Variants in MROH7 observed in about 807,000 individuals in gnomAD.
MROH7 encodes the protein maestro heat-like repeat-containing protein family member 7.
MROH7 carries 113 observed loss-of-function variants against 129.2 expected under a neutral mutation model. The ratio of observed to expected loss-of-function variants is 0.87; its 90% confidence interval spans 0.75 to 1.02. The LOEUF (loss-of-function observed/expected upper bound fraction) is 1.02, where lower values mean the gene tolerates loss of function less well. MROH7 is among the 50% of genes least tolerant of loss of function. The pLI, the probability that MROH7 is intolerant of heterozygous loss-of-function variation, is 0.00. For missense variants in MROH7, 1,601 were observed against 1,671.3 expected (o/e 0.96, Z 0.73); for synonymous variants, 655 against 667.9 (o/e 0.98, Z 0.30).
At chr1:54,692,188 CAGAGGTAAA>C (rs1428102746) in intron 15 of MROH7, among the ~76,000 whole-genome samples, 1 of 152,216 alleles carries the variant, frequency 6.6e-6, no homozygotes, top group Non-Finnish European at 1.5e-5. Context: ...AGGCTGGTCC[CAGAGGTAAA>C]AGCACAGCCT....
chr1:54,655,893 AT>A (rs372850123), intron 3 of MROH7, among the ~76,000 whole-genome samples: 2,561 of 133,628 alleles, frequency 0.019, 68 homozygotes, highest in African/African-American at 0.061. Flanking sequence ...ACTTTATAGT[AT>A]TTTTTTTTTT....
At chr1:54,695,866 T>C in intron 17 of MROH7, 1 of 338,922 alleles carries the variant, frequency 3.0e-6, no homozygotes, top group South Asian at 2.3e-5. Context: ...GTGAGTGATT[T>C]GTACTATGAT....
In MROH7 at chr1:54,683,186, A is replaced by C. The variant is rs559020095; in HGVS notation, c.2520+392A>C. ...ACCTCTTCTCTATTTTTTTAAAAAA[A>C]TCCTACATTACCATTTTGTGGCCTA... On this transcript the variant is annotated intron_variant, in intron 14 of 23. Coordinates refer to ENST00000421030, the MANE Select transcript of MROH7 (RefSeq NM_001039464.4). 5.1e-4 allele frequency among the ~76,000 whole-genome samples: 78 copies of C among 152,352 alleles called. 1 individual carries two copies. Among genetic ancestry groups the C allele is most frequent in the African/African-American group, 1.9e-3 (78 of 41,590 alleles).
chr1:54,671,036 C>CAGAAGTCAGT, intron 7 of MROH7, 107 bp downstream of exon 7: 5 of 1,282,718 alleles, frequency 3.9e-6, no homozygotes, highest in Non-Finnish European at 5.3e-6. Context: ...GGCAATTCAA[C>CAGAAGTCAGT]TGACTTCTGT....
At chr1:54,695,714 G>C in intron 17 of MROH7, 1 of 582,214 alleles carries the variant, frequency 1.7e-6, no homozygotes, top group South Asian at 1.8e-5. Context: ...AGTGCCCAGG[G>C]AACCACCAAC....
intron 3 of MROH7, among the ~76,000 whole-genome samples, chr1:54,655,741 A>C (rs1644634083): frequency 6.6e-6 from 1 of 152,008 alleles, no homozygotes. Flanking sequence ...GGGCCTCAAA[A>C]AAATCTTGCT....
In MROH7 at chr1:54,702,757, C is replaced by T; in HGVS notation, c.3564+12C>T. 2 of 1,609,956 alleles carry T rather than the reference C, an allele frequency of 1.2e-6. No homozygotes were observed. The highest frequency in any genetic ancestry group is 2.2e-5 in the East Asian group (1 of 44,818). On this transcript the variant is annotated intron_variant, in intron 21 of 23. Coordinates refer to ENST00000421030, the MANE Select transcript of MROH7 (RefSeq NM_001039464.4). ...TTTGCAAGTGCCTTGTGAGTGCTCC[C>T]AGAGAGTAGAGTGGTTCCTTACAAG... is the stretch of plus-strand genomic sequence containing the variant.
At chr1:54,680,434 C>T (rs116826165) in intron 13 of MROH7, among the ~76,000 whole-genome samples, 1,799 of 152,332 alleles carry the variant, frequency 0.012, 35 homozygotes, top group South Asian at 0.056. Context: ...CTGCCTCCAG[C>T]TGCTGTGTGG....
intron 15 of MROH7, among the ~76,000 whole-genome samples, chr1:54,690,337 G>C (rs1645213945): frequency 6.6e-6 from 1 of 152,242 alleles, no homozygotes; most frequent in Admixed American, 6.5e-5. Context: ...GGAAACCCAG[G>C]CTCACTTTTG....
intron 11 of MROH7, 74 bp downstream of exon 11, chr1:54,678,928 T>C (rs1201518656): frequency 2.5e-6 from 3 of 1,196,892 alleles, no homozygotes; most frequent in Non-Finnish European, 3.7e-6. Flanking sequence ...CCCCAAAGCT[T>C]TCTTCCCTTC....
intron 19 of MROH7, 65 bp from the exon 20 acceptor site, chr1:54,702,025 T>C: frequency 7.2e-7 from 1 of 1,391,550 alleles, no homozygotes. Flanking sequence ...ACAATGGCTC[T>C]GAATCAGCCG....
At chr1:54,661,364 C>T (rs1644729005) in intron 3 of MROH7, among the ~76,000 whole-genome samples, 1 of 151,932 alleles carries the variant, frequency 6.6e-6, no homozygotes. Context: ...AGGCATGTGC[C>T]ACCATGCCTG....
intron 19 of MROH7, 22 bp downstream of exon 19, chr1:54,701,344 G>A (rs1485565962): frequency 7.8e-6 from 12 of 1,536,050 alleles, no homozygotes; most frequent in Non-Finnish European, 9.7e-6. Flanking sequence ...ACAGAGCGAA[G>A]GAGCAGGAGG....
rs370819683 is a variant in MROH7, at chr1:54,670,506, C to T, written c.1399C>T (p.Gln467Ter). The change falls in exon 6 of 24, where the codon CAG (glutamine) becomes TAG (stop). Residue 467 changes from glutamine (Q) to a stop codon, truncating the protein, a stop_gained. Coordinates refer to ENST00000421030, the MANE Select transcript of MROH7 (RefSeq NM_001039464.4). LOFTEE classifies it high-confidence loss of function. ...GTGGCCCCCTGTCCAGAGGCAGATC[C>T]AGGAGGAGCCACTGGATTCTCTCTC... ...TMIKKIMRQI[Q>*]EEPLDSLSSS... The T allele has an allele frequency of 9.9e-6, 16 of 1,613,598 alleles. No homozygotes were observed. In the East Asian group the frequency reaches 3.1e-4, roughly 31 times the overall value.
Position 54,702,146 on chromosome 1 carries a change from G to A in MROH7, c.3342G>A (p.Lys1114=). ...CINLYGKVVQ[K]LRAPRTQAME... ...ACCTGTATGGGAAGGTGGTCCAGAAGCTTCGGGCACCACGCACTCAGGCCA... is the reference window on the plus strand; with the variant it reads ...ACCTGTATGGGAAGGTGGTCCAGAAACTTCGGGCACCACGCACTCAGGCCA... The change falls in exon 20 of 24, where the codon AAG becomes AAA. Residue 1114 remains lysine (K), a synonymous_variant. Coordinates refer to ENST00000421030, the MANE Select transcript of MROH7 (RefSeq NM_001039464.4). 1 of 1,611,736 alleles carries A rather than the reference G, an allele frequency of 6.2e-7. No individual in the cohort carries two copies. The highest frequency in any genetic ancestry group is 8.5e-7 in the Non-Finnish European group (1 of 1,178,978).
At chr1:54,706,647 G>A (rs987927497) in intron 22 of MROH7, 110 bp downstream of exon 22, 1 of 778,702 alleles carries the variant, frequency 1.3e-6, no homozygotes. Context: ...GCTTCCCTTT[G>A]GGTGCAAGGC....
chr1:54,692,503 G>A lies in MROH7; in HGVS notation c.2791G>A (p.Gly931Ser), dbSNP rs537957753. The change falls in exon 16 of 24, where the codon GGC becomes AGC. Residue 931 changes from glycine (G) to serine (S), a missense_variant. Transcript: ENST00000421030. The part of the protein sequence containing the change: ...YETTFLEDQG[G>S]WELMEQVESH... ...GACCACGTTTCTGGAGGACCAGGGT[G>A]GCTGGGAGCTCATGGAGCAGGTGGA... 1.3e-4 allele frequency: 205 copies of A among 1,614,114 alleles called. 4 individuals are homozygous for A. In the South Asian group the frequency reaches 2.1e-3, roughly 16 times the overall value.
At position 54,653,191 on chromosome 1, in the gene MROH7, A is replaced by C; in HGVS notation, c.265A>C (p.Ile89Leu). The C allele has an allele frequency of 6.2e-7, 1 of 1,614,220 alleles. No individual in the cohort carries two copies. The highest frequency in any genetic ancestry group is 8.5e-7 in the Non-Finnish European group (1 of 1,180,026). ...NTPRPDDSRA[I>L]APASLQITSS... ...CCCCAGACCTGATGACAGCAGAGCT[A>C]TCGCTCCAGCCTCCCTCCAGATCAC... Residue 89 changes from isoleucine to leucine, a missense_variant, in exon 3 of 24, where the codon ATC becomes CTC. Transcript: ENST00000421030.
In MROH7 at chr1:54,695,645, T is replaced by C. The variant is rs1158817217; in HGVS notation, c.2964+155T>C. 4.3e-6 allele frequency: 3 copies of C among 689,900 alleles called. No individual in the cohort carries two copies. In the South Asian group the frequency reaches 4.7e-5, roughly 11 times the overall value. 42.7% of individuals were successfully genotyped at this position (689,900 alleles called of 1,614,324 possible). A position where few individuals can be genotyped will look rare whatever the true frequency, so the allele number is the denominator to read the frequency against. ...ACTATGATGATCTTGTTGGTCTCCC[T>C]CCCTCCCCTCCCTGTCTCTCCACCC... is the stretch of plus-strand genomic sequence containing the variant. On this transcript the variant is annotated intron_variant, in intron 17 of 23. Transcript: ENST00000421030.
Sources: gnomAD v4.1 joint callset for allele counts (sites outside exome capture counted in the v4.1 genomes callset) on GRCh38, gnomAD v4.1.1 for gene constraint, MANE v1.5 for transcripts, NCBI Gene and HGNC (gene_info 2026-07-23, HGNC 2026-07-21) for gene names.